Variants in DIAPH3 observed in about 807,000 individuals in gnomAD.
DIAPH3 encodes the protein protein diaphanous homolog 3.
DIAPH3 carries 117 observed loss-of-function variants against 144.3 expected under a neutral mutation model. That is an observed-to-expected ratio of 0.81 (90% confidence interval 0.70 to 0.95). The LOEUF (loss-of-function observed/expected upper bound fraction) is 0.95, where lower values mean the gene tolerates loss of function less well. Among genes scored for constraint, DIAPH3 ranks in the 40% least tolerant of loss-of-function variants. DIAPH3 has a pLI of 0.00. For missense variants in DIAPH3, 1,421 were observed against 1,412.7 expected (o/e 1.01, Z -0.09); for synonymous variants, 519 against 488.9 (o/e 1.06, Z -0.81).
intron 9 of DIAPH3, among the ~76,000 whole-genome samples, chr13:60,005,279 T>C (rs2052785274): frequency 1.3e-5 from 2 of 152,152 alleles, no homozygotes; most frequent in African/African-American, 4.8e-5. Context: ...CATGATTACA[T>C]TTACGTGAAA....
At chr13:59,830,191 C>T (rs2041697741) in intron 24 of DIAPH3, among the ~76,000 whole-genome samples, 1 of 151,760 alleles carries the variant, frequency 6.6e-6, no homozygotes, top group Non-Finnish European at 1.5e-5. Context: ...AAGACCCTGA[C>T]AAAACGAGAC....
At chr13:59,967,347 T>G (rs1302935561) in intron 17 of DIAPH3, among the ~76,000 whole-genome samples, 2 of 152,016 alleles carry the variant, frequency 1.3e-5, no homozygotes, top group Non-Finnish European at 2.9e-5. Flanking sequence ...AATGCTGAGA[T>G]TACAGGCGGG....
At chr13:59,998,331 T>C (rs1333163669) in intron 9 of DIAPH3, among the ~76,000 whole-genome samples, 1 of 152,162 alleles carries the variant, frequency 6.6e-6, no homozygotes, top group African/African-American at 2.4e-5. Flanking sequence ...TAAAACTGCC[T>C]TTATTGCAAT....
Position 59,676,222 on chromosome 13 carries a change from G to A in DIAPH3, c.3320-9376C>T, listed in dbSNP as rs148957176. ...TTACATTTAGTTAGCATCCTATCAA[G>A]TAGCTATCCAGACTCAGTTTGAAGA... On this transcript the variant is annotated intron_variant, in intron 27 of 27. Transcript: ENST00000400324. 5.7e-3 allele frequency among the ~76,000 whole-genome samples: 863 copies of A among 152,296 alleles called. 7 individuals are homozygous for A. The highest frequency in any genetic ancestry group is 0.027 in the Middle Eastern group (8 of 294).
intron 27 of DIAPH3, among the ~76,000 whole-genome samples, chr13:59,706,331 A>C (rs1484406785): frequency 6.6e-6 from 1 of 152,160 alleles, no homozygotes; most frequent in Non-Finnish European, 1.5e-5. Context: ...CTTTTACATC[A>C]TATAATTTTT....
At chr13:59,862,438 T>G (rs1193296813) in intron 21 of DIAPH3, among the ~76,000 whole-genome samples, 11 of 151,630 alleles carry the variant, frequency 7.3e-5, no homozygotes. Context: ...GCATGAAGAG[T>G]GAGTTAAAAA....
intron 4 of DIAPH3, among the ~76,000 whole-genome samples, chr13:60,073,300 T>A (rs2057276691): frequency 6.6e-6 from 1 of 150,702 alleles, no homozygotes; most frequent in Non-Finnish European, 1.5e-5. Flanking sequence ...CAGAGCGGGA[T>A]GTTGTCTCAA....
At chr13:59,861,777 G>GA (rs953380001) in intron 21 of DIAPH3, among the ~76,000 whole-genome samples, 20 of 152,166 alleles carry the variant, frequency 1.3e-4, no homozygotes, top group African/African-American at 4.8e-4. Flanking sequence ...ATGTTTTATA[G>GA]AAAAAAATAT....
At chr13:59,935,187 G>A (rs1006196014) in intron 17 of DIAPH3, among the ~76,000 whole-genome samples, 2 of 152,144 alleles carry the variant, frequency 1.3e-5, no homozygotes, top group South Asian at 2.1e-4. Context: ...GATATGCAAG[G>A]TCAACTGCAG....
intron 4 of DIAPH3, among the ~76,000 whole-genome samples, chr13:60,081,119 A>AT (rs1367857501): frequency 6.6e-6 from 1 of 151,938 alleles, no homozygotes; most frequent in Non-Finnish European, 1.5e-5. Flanking sequence ...TTATAGACAT[A>AT]TACAAGCAGA....
chr13:59,902,905 A>G (rs566824478), intron 20 of DIAPH3, among the ~76,000 whole-genome samples: 4 of 152,350 alleles, frequency 2.6e-5, no homozygotes, highest in South Asian at 2.1e-4. Flanking sequence ...TTTCAAACCA[A>G]TGTTCTCACT....
At position 59,666,696 on chromosome 13, in the gene DIAPH3, G is replaced by C. The variant is rs201156125; in HGVS notation, c.3470C>G (p.Ala1157Gly). The C allele has an allele frequency of 4.3e-6, 7 of 1,613,880 alleles. No homozygotes were observed. Among genetic ancestry groups the C allele is most frequent in the African/African-American group, 1.3e-5 (1 of 74,880 alleles). ...TTTTCTGTTGCTTTCTACATTACAC[G>C]CTTCCTTCTTCTCAGCTGCCTTGAT... ...GRIKAAEKKE[A>G]CNVESNRKKE... is the part of the protein sequence containing the mutation. Residue 1157 changes from alanine to glycine, a missense_variant, in exon 28 of 28, where the codon GCG (alanine) becomes GGG (glycine). Transcript: ENST00000400324.
rs956294275 is a variant in DIAPH3 at position 59,714,277 on chromosome 13, G to A, written c.3320-47431C>T. On this transcript the variant is annotated intron_variant, in intron 27 of 27. Transcript: ENST00000400324. ...TGGGAGGCTGAGGCAGGAGAATGGCGTGAACCCGGGAGGCGGAGCTTGCAG... is the reference window on the plus strand; with the variant it reads ...TGGGAGGCTGAGGCAGGAGAATGGCATGAACCCGGGAGGCGGAGCTTGCAG... 1.4e-4 allele frequency among the ~76,000 whole-genome samples: 21 copies of A among 148,474 alleles called. No homozygotes were observed. The East Asian group carries it at 2.2e-3, about 16-fold the overall frequency.
At chr13:59,745,619 C>T (rs1187715998) in intron 27 of DIAPH3, among the ~76,000 whole-genome samples, 1 of 152,172 alleles carries the variant, frequency 6.6e-6, no homozygotes, top group Non-Finnish European at 1.5e-5. Flanking sequence ...GTTAAACAGT[C>T]ATTCATAATG....
chr13:59,916,372 T>C, intron 18 of DIAPH3, 123 bp from the exon 19 acceptor site: 2 of 766,096 alleles, frequency 2.6e-6, no homozygotes, highest in Middle Eastern at 3.5e-4. Context: ...CATTTAATAT[T>C]ATGTTTGGGG....
chr13:59,930,924 T>G (rs2140330169), intron 17 of DIAPH3, among the ~76,000 whole-genome samples: 1 of 152,228 alleles, frequency 6.6e-6, no homozygotes, highest in East Asian at 1.9e-4. Context: ...GGAAATAGAC[T>G]AATTATTGAT....
chr13:59,748,158 T>C (rs2036796172), intron 27 of DIAPH3, among the ~76,000 whole-genome samples: 1 of 152,166 alleles, frequency 6.6e-6, no homozygotes, highest in South Asian at 2.1e-4. Context: ...TCCTGCTAAG[T>C]TTGAATATTA....
At chr13:60,013,236 T>A (rs2053400857) in intron 7 of DIAPH3, 2 of 984,064 alleles carry the variant, frequency 2.0e-6, no homozygotes, top group Admixed American at 1.2e-4. Flanking sequence ...AGGCCTATTA[T>A]TAGCTAATAG....
intron 14 of DIAPH3, among the ~76,000 whole-genome samples, chr13:59,975,897 T>C (rs1025805388): frequency 5.3e-5 from 8 of 151,936 alleles, no homozygotes; most frequent in African/African-American, 1.7e-4. Flanking sequence ...CTCTTACCGT[T>C]AAATAATTAA....
Sources: allele counts gnomAD v4.1 joint callset (sites outside exome capture counted in the v4.1 genomes callset), GRCh38; gene constraint gnomAD v4.1.1; transcripts MANE v1.5; gene names NCBI Gene and HGNC (gene_info 2026-07-23, HGNC 2026-07-21).